Variants in FN1 observed in about 807,000 individuals in gnomAD.
FN1 encodes the protein fibronectin 1, also known as fibronectin.
Under a neutral mutation model 297.3 loss-of-function variants are expected in FN1, and 106 were observed. The ratio of observed to expected loss-of-function variants is 0.36; its 90% CI spans 0.30 to 0.42. The LOEUF (loss-of-function observed/expected upper bound fraction) is 0.42, where lower values mean the gene tolerates loss of function less well. Ranked by LOEUF, FN1 falls within the 10% of genes least tolerant of loss-of-function variation. FN1 has a pLI of 1.00. For synonymous variants in FN1, 1,149 were observed against 1,152.6 expected (o/e 1.00, Z 0.06); for missense variants, 2,690 against 3,124.9 (o/e 0.86, Z 3.32).
Position 215,372,234 on chromosome 2 carries a change from G to T in FN1, c.6389C>A (p.Thr2130Asn), listed in dbSNP as rs1303278196. Residue 2130 changes from threonine to asparagine, a missense_variant, in exon 40 of 46, where the codon ACT becomes AAT. Thr to Asn is a moderately conservative substitution (Grantham distance 65, BLOSUM62 0). Transcript: ENST00000354785. ...DTGNGIQLPG[T>N]SGQQPSVGQQ... is the part of the protein sequence containing the mutation. Reference sequence around the variant, plus strand: ...CCCAACACTGGGTTGCTGACCAGAAGTGCCAGGAAGCTGAATACCATTTCC... The same window carrying T: ...CCCAACACTGGGTTGCTGACCAGAATTGCCAGGAAGCTGAATACCATTTCC... 6.2e-7 allele frequency: 1 copy of T among 1,614,214 alleles called. No homozygotes were observed.
chr2:215,426,532 A>G (rs2065469924), intron 6 of FN1, among the ~76,000 whole-genome samples: 1 of 152,144 alleles, frequency 6.6e-6, no homozygotes. Context: ...GGCTAGACCA[A>G]AGGTACACTG....
chr2:215,392,968 G>T lies in FN1; in HGVS notation c.4032C>A (p.Gly1344=). The change falls in exon 25 of 46, where the codon GGC becomes GGA. Residue 1344 remains glycine, a synonymous_variant. Coordinates refer to ENST00000354785, the MANE Select transcript of FN1 (RefSeq NM_212482.4). The part of the protein sequence containing the change: ...YDISVITLIN[G]GESAPTTLTQ... ...TCAGTGTAGTAGGGGCACTCTCGCC[G>T]CCATTAATGAGAGTGATAACGCTGA... The T allele has an allele frequency of 1.2e-6, 2 of 1,613,114 alleles. No homozygotes were observed. Among genetic ancestry groups the T allele is most frequent in the African/African-American group, 1.3e-5 (1 of 74,976 alleles).
intron 33 of FN1, 24 bp downstream of exon 33, chr2:215,380,787 C>T (rs1222146454): frequency 2.5e-6 from 4 of 1,612,264 alleles, no homozygotes; most frequent in Non-Finnish European, 3.4e-6. Flanking sequence ...CCATGGGCAC[C>T]TGGTGGTGCA....
chr2:215,384,800 A>G, intron 29 of FN1, 60 bp downstream of exon 29: 1 of 1,170,894 alleles, frequency 8.5e-7, no homozygotes, highest in Non-Finnish European at 1.3e-6. Context: ...TTGGGCTTTC[A>G]GGTTATCCAC....
At chr2:215,395,718 G>C (rs765258908) in intron 23 of FN1, among the ~76,000 whole-genome samples, 14 of 152,108 alleles carry the variant, frequency 9.2e-5, no homozygotes, top group Non-Finnish European at 1.9e-4. Flanking sequence ...CTTTATAAAA[G>C]GCAAGGAGAT....
chr2:215,374,770 G>T (rs1053283102), intron 38 of FN1, among the ~76,000 whole-genome samples: 29 of 152,300 alleles, frequency 1.9e-4, no homozygotes, highest in African/African-American at 7.0e-4. Context: ...TTCCAATGTG[G>T]GTGGTTGGGA....
rs188416064 is a variant in FN1 at position 215,393,133 on chromosome 2, C to T, written c.3867G>A (p.Pro1289=). The T allele has an allele frequency of 6.9e-5, 111 of 1,613,828 alleles. No homozygotes were observed. Among genetic ancestry groups the T allele is most frequent in the East Asian group, 2.2e-4 (10 of 44,864 alleles). ...ACCCAATAATGGTGGAAGAGTTTAG[C>T]GGGGTCCACCTCAGGCCGATGCTTG... ...TDSSIGLRWT[P]LNSSTIIGYR... Residue 1289 remains proline (P), a synonymous_variant, in exon 25 of 46, where the codon CCG becomes CCA. Transcript: ENST00000354785.
chr2:215,436,022 G>C lies in FN1; in HGVS notation c.-220C>G. ...CTGCAGGTCCCCTCTTCCCGCTCGCGCCTGGGGTTCCCTCTCCTCCCCCTG... is the reference window on the plus strand; with the variant it reads ...CTGCAGGTCCCCTCTTCCCGCTCGCCCCTGGGGTTCCCTCTCCTCCCCCTG... On this transcript the variant is annotated 5_prime_UTR_variant, in exon 1 of 46. Transcript: ENST00000354785. 4.8e-6 allele frequency: 5 copies of C among 1,033,618 alleles called. 1 individual carries two copies. The South Asian group carries it at 7.2e-5, about 15-fold the overall frequency. 64.0% of individuals were successfully genotyped at this position (1,033,618 alleles called of 1,614,324 possible).
intron 19 of FN1, among the ~76,000 whole-genome samples, chr2:215,405,209 C>A (rs2061618529): frequency 6.6e-6 from 1 of 152,212 alleles, no homozygotes; most frequent in Non-Finnish European, 1.5e-5. Flanking sequence ...TTTGCACTAT[C>A]AGAATCACAT....
chr2:215,387,451 G>A (rs1210563580), intron 27 of FN1, among the ~76,000 whole-genome samples: 3 of 152,148 alleles, frequency 2.0e-5, no homozygotes, highest in South Asian at 2.1e-4. Context: ...TGGTAATGAT[G>A]CCAAACACAA....
chr2:215,382,301 C>G lies in FN1; in HGVS notation c.5075G>C (p.Gly1692Ala). 6.2e-7 allele frequency: 1 copy of G among 1,613,062 alleles called. No individual in the cohort carries two copies. Among genetic ancestry groups the G allele is most frequent in the Non-Finnish European group, 8.5e-7 (1 of 1,179,062 alleles). The change falls in exon 32 of 46, where the codon GGC (glycine) becomes GCC (alanine). Residue 1692 changes from glycine (G) to alanine (A), a missense_variant. Physicochemically the swap from Gly to Ala is moderately conservative, Grantham distance 60 (BLOSUM62 0). Coordinates refer to ENST00000354785, the MANE Select transcript of FN1 (RefSeq NM_212482.4). The stretch of plus-strand genomic sequence containing the variant: ...CACATACTCCACTGTGGGCTGCAAG[C>G]CTTCAATAGTCATTTCTGTTTGATC... ...GPDQTEMTIE[G>A]LQPTVEYVVS...
chr2:215,431,175 T>C (rs2066445583), intron 4 of FN1, among the ~76,000 whole-genome samples: 1 of 152,194 alleles, frequency 6.6e-6, no homozygotes, highest in South Asian at 2.1e-4. Flanking sequence ...GGAGACTACA[T>C]ATGCAAAATT....
intron 1 of FN1, 99 bp downstream of exon 1, chr2:215,435,556 T>G (rs1269767081): frequency 1.3e-6 from 2 of 1,536,958 alleles, no homozygotes; most frequent in African/African-American, 2.7e-5. Context: ...GCGCACACAC[T>G]CGCACACACG....
At chr2:215,425,422 T>A in intron 6 of FN1, 137 bp from the exon 7 acceptor site, 1 of 863,998 alleles carries the variant, frequency 1.2e-6, no homozygotes, top group Non-Finnish European at 1.9e-6. Context: ...TGGAAAAAAA[T>A]GTCCCTTATT....
chr2:215,409,594 C>G lies in FN1; in HGVS notation c.2268G>C (p.Leu756=). Residue 756 remains leucine (L), a synonymous_variant, in exon 15 of 46, where the codon CTG becomes CTC. Coordinates refer to ENST00000354785, the MANE Select transcript of FN1 (RefSeq NM_212482.4). The stretch of plus-strand genomic sequence containing the variant: ...ACTGTGGCTCATCTCCCTCCTCACT[C>G]AGCTCATATTCCACCCGGAATCCCG... ...TVSGFRVEYE[L]SEEGDEPQYL... 1 of 1,613,908 alleles carries G rather than the reference C, an allele frequency of 6.2e-7. No homozygotes were observed.
chr2:215,392,484 T>C (rs1204780195), intron 25 of FN1: 1 of 207,984 alleles, frequency 4.8e-6, no homozygotes, highest in East Asian at 1.3e-4. Context: ...TAAATTTTGA[T>C]GGGTTTTTAG....
intron 12 of FN1, among the ~76,000 whole-genome samples, chr2:215,418,569 CAT>C (rs1403588698): frequency 2.0e-5 from 3 of 152,152 alleles, no homozygotes; most frequent in African/African-American, 7.2e-5. Context: ...GTTTTATTAA[CAT>C]GTTTTATTAT....
In FN1 at chr2:215,409,976, G is replaced by T. The variant is rs1474240599; in HGVS notation, c.2080C>A (p.Arg694Ser). The T allele has an allele frequency of 6.2e-7, 1 of 1,613,964 alleles. No individual in the cohort carries two copies. Among genetic ancestry groups the T allele is most frequent in the Admixed American group, 1.7e-5 (1 of 60,002 alleles). The change falls in exon 14 of 46, where the codon CGC (arginine) becomes AGC (serine). Residue 694 changes from arginine to serine, a missense_variant. Arg to Ser is a moderately radical substitution (Grantham distance 110, BLOSUM62 -1). Coordinates refer to ENST00000354785, the MANE Select transcript of FN1 (RefSeq NM_212482.4). ...IQQYGHQEVT[R>S]FDFTTTSTST... Reference sequence around the variant, plus strand: ...GTGCTGGTGGTGGTGAAGTCAAAGCGAGTCACTTCTTGGTGGCCGTACTGC... The same window carrying T: ...GTGCTGGTGGTGGTGAAGTCAAAGCTAGTCACTTCTTGGTGGCCGTACTGC...
chr2:215,376,346 T>C, intron 36 of FN1, 152 bp downstream of exon 36: 1 of 736,230 alleles, frequency 1.4e-6, no homozygotes. Context: ...AAACTATTTC[T>C]GATCATAGCA....
Sources: gnomAD v4.1 joint callset for allele counts (sites outside exome capture counted in the v4.1 genomes callset) on GRCh38, gnomAD v4.1.1 for gene constraint, MANE v1.5 for transcripts, NCBI Gene and HGNC (gene_info 2026-07-23, HGNC 2026-07-21) for gene names.